Variants in SLC12A1 observed in about 807,000 individuals in gnomAD.
SLC12A1 encodes the protein Na-K-2Cl cotransporter.
Under a neutral mutation model 130.4 loss-of-function variants are expected in SLC12A1, and 89 were observed. That is an observed-to-expected ratio of 0.68 (90% CI 0.58 to 0.81). The LOEUF (loss-of-function observed/expected upper bound fraction) is 0.81, where lower values mean the gene tolerates loss of function less well. Ranked by LOEUF, SLC12A1 falls within the 40% of genes least tolerant of loss-of-function variation. The pLI, the probability that SLC12A1 is intolerant of heterozygous loss-of-function variation, is 0.00. For missense variants in SLC12A1, 1,310 were observed against 1,336.4 expected (o/e 0.98, Z 0.31); for synonymous variants, 499 against 460.0 (o/e 1.08, Z -1.09).
rs574867900 is a variant in SLC12A1, at chr15:48,303,121, G to A, written c.*236G>A. On this transcript the variant is annotated 3_prime_UTR_variant, in exon 27 of 27. Transcript: ENST00000380993. ...CTAGAAAAACATTTTTGTCACTGCT[G>A]TTGATAAACAAGAAAATCAAGGAAA... The A allele has an allele frequency of 3.2e-6, 1 of 316,572 alleles. No homozygotes were observed. Among genetic ancestry groups the A allele is most frequent in the African/African-American group, 2.1e-5 (1 of 46,862 alleles). 19.6% of individuals were successfully genotyped at this position (316,572 alleles called of 1,614,324 possible).
intron 20 of SLC12A1, among the ~76,000 whole-genome samples, chr15:48,283,122 A>G (rs1369232082): frequency 6.6e-6 from 1 of 152,234 alleles, no homozygotes; most frequent in Non-Finnish European, 1.5e-5. Context: ...TTTGTTTTGC[A>G]TGACTAGGCC....
chr15:48,224,765 T>C (rs1459561002), intron 4 of SLC12A1: 4 of 152,212 alleles, frequency 2.6e-5, no homozygotes, highest in Non-Finnish European at 4.4e-5. Flanking sequence ...CTACTTTTTT[T>C]CGGTTGTCTC....
At chr15:48,220,381 C>T (rs1445268831) in intron 2 of SLC12A1, among the ~76,000 whole-genome samples, 6 of 152,082 alleles carry the variant, frequency 3.9e-5, no homozygotes, top group Non-Finnish European at 8.8e-5. Context: ...AAGAAATATT[C>T]TCACTAGTGG....
In SLC12A1 at chr15:48,249,218, G is replaced by C. The variant is rs1028270811; in HGVS notation, c.1685-357G>C. Among the ~76,000 whole-genome samples the C allele has an allele frequency of 2.6e-5, 4 of 152,202 alleles. No homozygotes were observed. The East Asian group carries it at 5.8e-4, about 22-fold the overall frequency. ...TGCTGTTTAACTAATATCCTGCAGA[G>C]CCTACTTATTGCATACATAACAGTT... is the stretch of plus-strand genomic sequence containing the variant. On this transcript the variant is annotated intron_variant, in intron 13 of 26. Coordinates refer to ENST00000380993, the MANE Select transcript of SLC12A1 (RefSeq NM_000338.3).
At chr15:48,237,074 A>G in intron 9 of SLC12A1, 1 of 700,406 alleles carries the variant, frequency 1.4e-6, no homozygotes, top group Non-Finnish European at 2.6e-6. Context: ...AATTAGAACA[A>G]GCAAGAGTAG....
At chr15:48,224,852 G>GA (rs2041263813) in intron 4 of SLC12A1, 1 of 152,144 alleles carries the variant, frequency 6.6e-6, no homozygotes, top group Non-Finnish European at 1.5e-5. Flanking sequence ...GTTTCTTGAA[G>GA]CTGAAAGCAG....
chr15:48,287,634 A>G (rs1207211558), intron 21 of SLC12A1, among the ~76,000 whole-genome samples: 1 of 152,192 alleles, frequency 6.6e-6, no homozygotes, highest in Admixed American at 6.5e-5. Context: ...CACTTACCAC[A>G]TGTTAAGTAA....
intron 14 of SLC12A1, among the ~76,000 whole-genome samples, chr15:48,250,449 G>A (rs1313885993): frequency 6.6e-6 from 1 of 152,070 alleles, no homozygotes; most frequent in East Asian, 1.9e-4. Flanking sequence ...ACGAATACTA[G>A]GCTACAGAAA....
At chr15:48,298,670 T>C (rs1328129198) in intron 24 of SLC12A1, among the ~76,000 whole-genome samples, 1 of 152,250 alleles carries the variant, frequency 6.6e-6, no homozygotes, top group Non-Finnish European at 1.5e-5. Flanking sequence ...GGAGTTGCCA[T>C]GTGGACTAAG....
In SLC12A1 at chr15:48,286,547, T is replaced by C. The variant is rs901550311; in HGVS notation, c.2629+1298T>C. On this transcript the variant is annotated intron_variant, in intron 21 of 26. Transcript: ENST00000380993. ...TGGAAAATAATGGGAAATTCCAAAG[T>C]CATAGCCCAATAATGTGCTCCAACT... Among the ~76,000 whole-genome samples, 9 of 152,340 alleles carry C rather than the reference T, an allele frequency of 5.9e-5. No individual in the cohort carries two copies. In the East Asian group the frequency reaches 1.5e-3, roughly 26 times the overall value.
At position 48,269,702 on chromosome 15, in the gene SLC12A1, A is replaced by G. The variant is rs1597443398; in HGVS notation, c.2340A>G (p.Gly780=). ...GRMKPNTLVI[G]YKKNWRKAPL... The stretch of plus-strand genomic sequence containing the variant: ...TGAAACCAAACACTCTGGTGATTGG[A>G]TATAAGAAAAACTGGAGGAAAGCTC... The change falls in exon 19 of 27, where the codon GGA becomes GGG. Residue 780 remains glycine (G), a synonymous_variant. Transcript: ENST00000380993. The G allele has an allele frequency of 6.2e-7, 1 of 1,612,160 alleles. No individual in the cohort carries two copies. The highest frequency in any genetic ancestry group is 2.2e-5 in the East Asian group (1 of 44,846).
intron 25 of SLC12A1, 24 bp from the exon 26 acceptor site, chr15:48,301,291 A>C: frequency 2.6e-6 from 4 of 1,561,884 alleles, no homozygotes; most frequent in Non-Finnish European, 3.5e-6. Context: ...AACTGTACTC[A>C]ACAAATCTGA....
intron 17 of SLC12A1, among the ~76,000 whole-genome samples, chr15:48,263,691 ATT>A (rs1566846689): frequency 3.9e-5 from 6 of 151,932 alleles, no homozygotes; most frequent in African/African-American, 1.4e-4. Context: ...ATTTTTATTT[ATT>A]TATTTATTTA....
rs201779201 is a variant in SLC12A1 at position 48,220,705 on chromosome 15, T to G, written c.492T>G (p.Ala164=). Residue 164 remains alanine, a synonymous_variant, in exon 3 of 27, where the codon GCT becomes GCG. Transcript: ENST00000380993. Reference sequence around the variant, plus strand: ...ATGGGATACCTGGAGATGAACAAGCTGAAAATAAGGAAGATGATCAAGCTG... The same window carrying G: ...ATGGGATACCTGGAGATGAACAAGCGGAAAATAAGGAAGATGATCAAGCTG... ...NGDGIPGDEQ[A]ENKEDDQAGV... is the part of the protein sequence containing the mutation. 8.7e-6 allele frequency: 14 copies of G among 1,613,828 alleles called. No individual in the cohort carries two copies. The African/African-American group carries it at 1.3e-4, about 15-fold the overall frequency.
At chr15:48,238,733 A>C (rs922716932) in intron 9 of SLC12A1, among the ~76,000 whole-genome samples, 1 of 152,198 alleles carries the variant, frequency 6.6e-6, no homozygotes, top group Non-Finnish European at 1.5e-5. Context: ...CTGTTTACAC[A>C]CTATAGGATA....
chr15:48,276,094 T>C (rs1319390337), intron 20 of SLC12A1, among the ~76,000 whole-genome samples: 3 of 152,096 alleles, frequency 2.0e-5, no homozygotes, highest in Admixed American at 2.0e-4. Flanking sequence ...TGGGAGTTGA[T>C]TGAATGTGTG....
In SLC12A1 at chr15:48,274,637, G is replaced by C. The variant is rs2041931602; in HGVS notation, c.2469G>C (p.Gln823His). The change falls in exon 20 of 27, where the codon CAG becomes CAC. Residue 823 changes from glutamine (Q) to histidine (H), a missense_variant. Transcript: ENST00000380993. ...TCAGCCAAGGATTTGACATCTCTCA[G>C]GTTCTTCAGGTGCAAGGTATGTACT... The part of the protein sequence containing the change: ...VRISQGFDIS[Q>H]VLQVQEELER... 1.1e-5 allele frequency: 17 copies of C among 1,611,638 alleles called. No individual in the cohort carries two copies. Among genetic ancestry groups the C allele is most frequent in the Non-Finnish European group, 1.4e-5 (16 of 1,178,164 alleles).
chr15:48,219,653 A>G (rs1357841065), intron 2 of SLC12A1, among the ~76,000 whole-genome samples: 1 of 152,156 alleles, frequency 6.6e-6, no homozygotes, highest in East Asian at 1.9e-4. Context: ...AGTAAGGAAG[A>G]AAGAAGGAAA....
At chr15:48,285,020 C>A in intron 20 of SLC12A1, 86 bp from the exon 21 acceptor site, 1 of 1,002,154 alleles carries the variant, frequency 1.0e-6, no homozygotes. Flanking sequence ...ACATACATAC[C>A]ATTTTAAATA....
Sources: gnomAD v4.1 joint callset for allele counts (sites outside exome capture counted in the v4.1 genomes callset) on GRCh38, gnomAD v4.1.1 for gene constraint, MANE v1.5 for transcripts, NCBI Gene and HGNC (gene_info 2026-07-23, HGNC 2026-07-21) for gene names.